The following PRKCE variants were observed in gnomAD, a reference collection of about 807,000 sequenced individuals.
PRKCE encodes the protein protein kinase C epsilon type.
In PRKCE, 16 loss-of-function variants were observed where a neutral mutation model predicts 85.4. That is an observed-to-expected ratio of 0.19 (90% CI 0.13 to 0.28). The LOEUF is 0.28. Ranked by LOEUF, PRKCE falls within the 10% of genes least tolerant of loss-of-function variation. The pLI is 1.00. For missense variants in PRKCE, 573 were observed against 975.2 expected, an observed-to-expected ratio of 0.59 and a Z score of 5.49; for synonymous variants, 388 against 371.5, an observed-to-expected ratio of 1.04 and a Z score of -0.51.
chr2:45,983,155 T>C (rs1465379330), intron 5 of PRKCE, among the ~76,000 whole-genome samples: 1 of 152,186 alleles, frequency 6.6e-6, no homozygotes, highest in Non-Finnish European at 1.5e-5. Context: ...TCCATTTCAG[T>C]AGGGATCAGT....
chr2:46,075,141 C>T (rs972454938), intron 10 of PRKCE, among the ~76,000 whole-genome samples: 3 of 152,088 alleles, frequency 2.0e-5, no homozygotes, highest in African/African-American at 7.2e-5. Context: ...CCTGGTTTCA[C>T]GCCGTTCTCC....
chr2:45,658,471 C>A (rs1420019976), intron 1 of PRKCE, among the ~76,000 whole-genome samples: 8 of 152,196 alleles, frequency 5.3e-5, no homozygotes. Flanking sequence ...AATTCCCTGG[C>A]TCCTCAATGG....
At chr2:45,854,408 G>T (rs1164207316) in intron 2 of PRKCE, among the ~76,000 whole-genome samples, 1 of 152,188 alleles carries the variant, frequency 6.6e-6, no homozygotes, top group East Asian at 1.9e-4. Context: ...GCTTATTCCA[G>T]GGCCTCAATA....
At chr2:45,941,560 A>G (rs80004603) in intron 2 of PRKCE, among the ~76,000 whole-genome samples, 10,334 of 152,254 alleles carry the variant, frequency 0.068, 449 homozygotes, top group Non-Finnish European at 0.097. Context: ...TGAGGAAGAC[A>G]CAGAACTTCA....
rs1558623822 is a variant in PRKCE, at chr2:45,744,485, CTTTTT to C, written c.348+92038_348+92042del. 9.1e-3 allele frequency among the ~76,000 whole-genome samples: 246 copies of C among 27,064 alleles called. 9 individuals are homozygous for C. Among genetic ancestry groups the C allele is most frequent in the African/African-American group, 0.02 (183 of 8,956 alleles). The allele number at this position is 27,064 out of a possible 152,430, so 17.8% of individuals were successfully genotyped here. A position where few individuals can be genotyped will look rare whatever the true frequency, so the allele number is the denominator to read the frequency against. On this transcript the variant is annotated intron_variant, in intron 1 of 14. Coordinates refer to ENST00000306156, the MANE Select transcript of PRKCE (RefSeq NM_005400.3). ...TCTTTCTTTCTTTCTTTCTTTCTTT[CTTTTT>C]CTTTCTTTCTTTTCTTTCTTTCTTT...
intron 10 of PRKCE, among the ~76,000 whole-genome samples, chr2:46,058,654 C>A (rs1277115866): frequency 6.6e-6 from 1 of 152,114 alleles, no homozygotes; most frequent in East Asian, 1.9e-4. Context: ...TTCCAGTCTT[C>A]CAGATGTCCC....
Position 46,159,828 on chromosome 2 carries a change from G to A in PRKCE, c.2067+76G>A. ...TGCAGGACAGGCTGCGTGCACCCAGGAAGAGTTGGTCAGGGGATGCGTATT... is the reference window on the plus strand; with the variant it reads ...TGCAGGACAGGCTGCGTGCACCCAGAAAGAGTTGGTCAGGGGATGCGTATT... On this transcript the variant is annotated intron_variant, in intron 14 of 14. Transcript: ENST00000306156. The surrounding 1 kb of genome is among the most constrained non-coding windows in gnomAD (Gnocchi z 4.1). 1 of 1,562,780 alleles carries A rather than the reference G, an allele frequency of 6.4e-7. No individual in the cohort carries two copies.
At chr2:46,123,745 CA>C (rs1244152333) in intron 11 of PRKCE, among the ~76,000 whole-genome samples, 2 of 152,188 alleles carry the variant, frequency 1.3e-5, no homozygotes, top group East Asian at 3.9e-4. Flanking sequence ...CTCAGCCTCC[CA>C]AAGTGCTGGG....
Position 46,187,106 on chromosome 2 carries a change from C to T in PRKCE, c.*2225C>T, listed in dbSNP as rs936546607. Reference sequence around the variant, plus strand: ...ACATGATAATACTGCCCATCATATTCATGTGTAACTACTGTTCTTTCTTCT... The same window carrying T: ...ACATGATAATACTGCCCATCATATTTATGTGTAACTACTGTTCTTTCTTCT... On this transcript the variant is annotated 3_prime_UTR_variant, in exon 15 of 15. Transcript: ENST00000306156. The T allele has an allele frequency of 6.6e-6, 1 of 152,626 alleles. No individual in the cohort carries two copies. Among genetic ancestry groups the T allele is most frequent in the African/African-American group, 2.4e-5 (1 of 41,442 alleles). 9.5% of individuals were successfully genotyped at this position (152,626 alleles called of 1,614,324 possible). A position where few individuals can be genotyped will look rare whatever the true frequency, so the allele number is the denominator to read the frequency against.
intron 2 of PRKCE, among the ~76,000 whole-genome samples, chr2:45,966,265 C>G (rs1701721886): frequency 1.3e-5 from 2 of 152,194 alleles, no homozygotes; most frequent in African/African-American, 4.8e-5. Flanking sequence ...AGATGTGTAA[C>G]ATGACCGCAG....
At chr2:46,167,883 G>T (rs942992355) in intron 14 of PRKCE, 1 of 152,130 alleles carries the variant, frequency 6.6e-6, no homozygotes, top group Non-Finnish European at 1.5e-5. Context: ...GCCCTGAAGT[G>T]GTAGCAGTCA....
At chr2:45,854,681 G>A (rs1257294354) in intron 2 of PRKCE, among the ~76,000 whole-genome samples, 4 of 152,282 alleles carry the variant, frequency 2.6e-5, no homozygotes, top group South Asian at 4.1e-4. Context: ...GAATACGGGC[G>A]TGAGTCCATG....
In PRKCE at chr2:46,169,200, T is replaced by C. The variant is rs117784938; in HGVS notation, c.2067+9448T>C. On this transcript the variant is annotated intron_variant, in intron 14 of 14. Coordinates refer to ENST00000306156, the MANE Select transcript of PRKCE (RefSeq NM_005400.3). ...CACTCTGGGGAATCCAGTTTTGCAC[T>C]TGGGGGATCAGTGCCTTCTTACCTT... 5.9e-5 allele frequency among the ~76,000 whole-genome samples: 9 copies of C among 152,298 alleles called. No homozygotes were observed. The East Asian group carries it at 1.5e-3, about 26-fold the overall frequency.
chr2:46,174,359 A>G (rs955150000), intron 14 of PRKCE, among the ~76,000 whole-genome samples: 7 of 152,272 alleles, frequency 4.6e-5, no homozygotes, highest in Admixed American at 1.3e-4. Context: ...GGAAGCAGCA[A>G]TCTTTTCAAT....
intron 1 of PRKCE, among the ~76,000 whole-genome samples, chr2:45,795,194 G>C (rs1422349203): frequency 6.6e-6 from 1 of 152,140 alleles, no homozygotes; most frequent in African/African-American, 2.4e-5. Flanking sequence ...TGGGCGTGTC[G>C]TGGAGTGACC....
intron 11 of PRKCE, among the ~76,000 whole-genome samples, chr2:46,105,400 C>A (rs1671619504): frequency 6.6e-6 from 1 of 151,744 alleles, no homozygotes; most frequent in Non-Finnish European, 1.5e-5. Flanking sequence ...GGTTTTCATG[C>A]CTGCTGGCAT....
At chr2:45,759,141 C>A (rs1684239502) in intron 1 of PRKCE, among the ~76,000 whole-genome samples, 1 of 152,170 alleles carries the variant, frequency 6.6e-6, no homozygotes, top group Non-Finnish European at 1.5e-5. Flanking sequence ...CCTGCCCCTG[C>A]CCTCCATTGA....
chr2:46,128,670 G>T (rs943767568), intron 11 of PRKCE, among the ~76,000 whole-genome samples: 3 of 152,136 alleles, frequency 2.0e-5, no homozygotes, highest in Admixed American at 6.5e-5. Context: ...TTATGTCTTC[G>T]ATCTTTTAAT....
chr2:45,913,686 A>G (rs1191245130), intron 2 of PRKCE, among the ~76,000 whole-genome samples: 4 of 152,212 alleles, frequency 2.6e-5, no homozygotes, highest in Admixed American at 6.5e-5. Context: ...ATCCATGCAT[A>G]TGTTCACTCA....
Sources: allele counts gnomAD v4.1 joint callset (sites outside exome capture counted in the v4.1 genomes callset), GRCh38; gene constraint gnomAD v4.1.1; non-coding constraint Gnocchi (gnomAD v3.1); transcripts MANE v1.5; gene names NCBI Gene and HGNC (gene_info 2026-07-23, HGNC 2026-07-21).